PRKCA: variants seen among roughly 807,000 people sequenced by gnomAD.
PRKCA encodes protein kinase C alpha type.
In PRKCA, 27 loss-of-function variants were observed where a neutral mutation model predicts 87.0. The observed-to-expected ratio is 0.31, with a 90% CI of 0.23 to 0.43. PRKCA has a LOEUF of 0.43. PRKCA is among the 20% of genes least tolerant of loss of function. The pLI is 1.00. For synonymous variants in PRKCA, 329 were observed against 311.1 expected (o/e 1.06, Z -0.61); for missense variants, 518 against 852.3 (o/e 0.61, Z 4.88).
chr17:66,391,849 A>T (rs1429365455), intron 2 of PRKCA, among the ~76,000 whole-genome samples: 1 of 152,122 alleles, frequency 6.6e-6, no homozygotes, highest in African/African-American at 2.4e-5. Flanking sequence ...ATGTGCACAG[A>T]CACAGCCTCC....
intron 3 of PRKCA, among the ~76,000 whole-genome samples, chr17:66,565,526 C>A (rs992985780): frequency 6.6e-6 from 1 of 152,170 alleles, no homozygotes. Flanking sequence ...GTGGGACTTT[C>A]TTTATAAAAT....
At chr17:66,306,329 A>G (rs1904814461) in intron 2 of PRKCA, 2 of 202,498 alleles carry the variant, frequency 9.9e-6, no homozygotes, top group South Asian at 1.6e-4. Flanking sequence ...TCTCATTGGA[A>G]AAAAAAAAAA....
intron 2 of PRKCA, among the ~76,000 whole-genome samples, chr17:66,485,046 C>T (rs1915939438): frequency 6.6e-6 from 1 of 152,108 alleles, no homozygotes; most frequent in African/African-American, 2.4e-5. Flanking sequence ...ACACCAGCTC[C>T]TTTACATGTT....
intron 2 of PRKCA, among the ~76,000 whole-genome samples, chr17:66,483,166 A>G (rs868615530): frequency 6.6e-6 from 1 of 152,186 alleles, no homozygotes; most frequent in African/African-American, 2.4e-5. Context: ...ACCTTGTTGC[A>G]TGTATTAGTT....
chr17:66,420,002 C>CT (rs558522698), intron 2 of PRKCA, among the ~76,000 whole-genome samples: 4,366 of 113,668 alleles, frequency 0.038, 138 homozygotes, highest in East Asian at 0.19. Context: ...GGGTTGTGTT[C>CT]TTTTTTTTTT....
At chr17:66,495,758 G>A (rs964017067) in intron 2 of PRKCA, among the ~76,000 whole-genome samples, 1 of 151,734 alleles carries the variant, frequency 6.6e-6, no homozygotes, top group Non-Finnish European at 1.5e-5. Flanking sequence ...TAGTAGAGAT[G>A]GGGTTTTACC....
At chr17:66,507,383 C>T (rs1225177253) in intron 3 of PRKCA, among the ~76,000 whole-genome samples, 2 of 152,138 alleles carry the variant, frequency 1.3e-5, no homozygotes, top group Non-Finnish European at 2.9e-5. Context: ...GTTCTTTTTC[C>T]ACAGTACCAC....
intron 8 of PRKCA, among the ~76,000 whole-genome samples, chr17:66,709,297 ATTTCT>A (rs1973261540): frequency 1.2e-5 from 1 of 83,508 alleles, no homozygotes; most frequent in Admixed American, 1.2e-4. Flanking sequence ...TTTTGAGATG[ATTTCT>A]TTTTTTTTTT....
chr17:66,545,517 C>G (rs966659823), intron 3 of PRKCA, among the ~76,000 whole-genome samples: 6 of 151,952 alleles, frequency 3.9e-5, no homozygotes, highest in African/African-American at 1.5e-4. Flanking sequence ...TTTTTTTAAT[C>G]CTACATCACA....
intron 2 of PRKCA, among the ~76,000 whole-genome samples, chr17:66,456,011 G>A (rs114424756): frequency 8.6e-5 from 13 of 151,962 alleles, no homozygotes; most frequent in East Asian, 1.9e-4. Context: ...TGTTGTTCTC[G>A]TAAGAAGGCC....
intron 3 of PRKCA, among the ~76,000 whole-genome samples, chr17:66,593,634 A>G (rs1969883093): frequency 6.6e-6 from 1 of 152,246 alleles, no homozygotes; most frequent in African/African-American, 2.4e-5. Context: ...ATTCTTTGTC[A>G]TGGACATGAA....
intron 2 of PRKCA, among the ~76,000 whole-genome samples, chr17:66,470,390 G>A (rs997338247): frequency 2.0e-4 from 20 of 101,320 alleles, no homozygotes; most frequent in Middle Eastern, 5.7e-3. Flanking sequence ...CACCATGCCC[G>A]TCTATTTTTG....
At position 66,363,814 on chromosome 17, in the gene PRKCA, T is replaced by A. The variant is rs1273935183; in HGVS notation, c.205+57687T>A. On this transcript the variant is annotated intron_variant, in intron 2 of 16. Coordinates refer to ENST00000413366, the MANE Select transcript of PRKCA (RefSeq NM_002737.3). ...GCCTCCCGGGTTCAAACGATTCTTC[T>A]GCCTCAGCCTCCCGAGTACCTGGGA... Among the ~76,000 whole-genome samples, 3 of 152,200 alleles carry A rather than the reference T, an allele frequency of 2.0e-5. No homozygotes were observed. The East Asian group carries it at 5.8e-4, about 29-fold the overall frequency.
intron 1 of PRKCA, among the ~76,000 whole-genome samples, chr17:66,303,303 C>T (rs1904620019): frequency 6.6e-6 from 1 of 152,298 alleles, no homozygotes; most frequent in African/African-American, 2.4e-5. Flanking sequence ...GGGCCCCTCA[C>T]CTCCCCGGGC....
intron 3 of PRKCA, among the ~76,000 whole-genome samples, chr17:66,496,956 C>G (rs1916502452): frequency 6.6e-6 from 1 of 152,168 alleles, no homozygotes; most frequent in East Asian, 1.9e-4. Flanking sequence ...CTTCAGTTTA[C>G]TTCTAAGCTG....
intron 2 of PRKCA, among the ~76,000 whole-genome samples, chr17:66,461,514 G>T (rs1478863990): frequency 2.0e-5 from 3 of 152,154 alleles, no homozygotes; most frequent in African/African-American, 7.2e-5. Flanking sequence ...ATGAGGAAAT[G>T]ACCTCAGATT....
intron 2 of PRKCA, among the ~76,000 whole-genome samples, chr17:66,419,267 T>C (rs2143783642): frequency 6.6e-6 from 1 of 152,266 alleles, no homozygotes; most frequent in African/African-American, 2.4e-5. Context: ...ATTTTTTAGG[T>C]TTAAATTGAC....
intron 3 of PRKCA, among the ~76,000 whole-genome samples, chr17:66,552,948 A>G (rs1198207868): frequency 1.3e-5 from 2 of 152,148 alleles, no homozygotes; most frequent in Non-Finnish European, 2.9e-5. Context: ...AAATCTAGAC[A>G]GCTAGAAGAA....
intron 13 of PRKCA, among the ~76,000 whole-genome samples, chr17:66,753,352 G>A (rs1974478601): frequency 6.6e-6 from 1 of 152,362 alleles, no homozygotes; most frequent in East Asian, 1.9e-4. Flanking sequence ...CCGCCCTGCT[G>A]GCGTATGCAC....
Sources: allele counts gnomAD v4.1 joint callset (sites outside exome capture counted in the v4.1 genomes callset), GRCh38; gene constraint gnomAD v4.1.1; transcripts MANE v1.5; gene names NCBI Gene and HGNC (gene_info 2026-07-23, HGNC 2026-07-21).